The following KCNN2 variants were observed in gnomAD, a reference collection of about 807,000 sequenced individuals.
KCNN2 encodes the protein small conductance calcium-activated potassium channel protein 2.
KCNN2 carries 24 observed loss-of-function variants against 55.5 expected under a neutral mutation model. That is an observed-to-expected ratio of 0.43 (90% CI 0.31 to 0.61). The LOEUF (loss-of-function observed/expected upper bound fraction) is 0.61. Among genes scored for constraint, KCNN2 ranks in the 20% least tolerant of loss-of-function variants. The pLI is 0.08. For missense variants in KCNN2, 754 were observed against 853.6 expected, an observed-to-expected ratio of 0.88 and a Z score of 1.45; for synonymous variants, 431 against 336.1, an observed-to-expected ratio of 1.28 and a Z score of -3.09.
intron 1 of KCNN2, among the ~76,000 whole-genome samples, chr5:114,207,289 G>A (rs1436902511): frequency 6.6e-6 from 1 of 152,150 alleles, no homozygotes. Context: ...TAGGTTCCCA[G>A]TGCATTTTTG....
At chr5:114,456,112 T>G (rs1387206179) in intron 3 of KCNN2, among the ~76,000 whole-genome samples, 1 of 152,196 alleles carries the variant, frequency 6.6e-6, no homozygotes, top group African/African-American at 2.4e-5. Context: ...GAAAAATATG[T>G]CATCTAGGAA....
chr5:114,396,033 A>G lies in KCNN2; in HGVS notation c.1219-8405A>G, dbSNP rs554895804. The stretch of plus-strand genomic sequence containing the variant: ...ATATACTCAGATGTAAATGGCCAAA[A>G]TGAAACCTTTTATTTCTTACATTCC... On this transcript the variant is annotated intron_variant, in intron 2 of 7. Transcript: ENST00000673685. Among the ~76,000 whole-genome samples the G allele has an allele frequency of 1.2e-4, 19 of 152,296 alleles. No homozygotes were observed. In the South Asian group the frequency reaches 3.9e-3, roughly 32 times the overall value.
intron 1 of KCNN2, among the ~76,000 whole-genome samples, chr5:114,115,371 C>T (rs779868098): frequency 6.6e-6 from 1 of 152,062 alleles, no homozygotes; most frequent in Non-Finnish European, 1.5e-5. Context: ...TAGCATTGTG[C>T]AAGTTTTAAA....
intron 1 of KCNN2, among the ~76,000 whole-genome samples, chr5:114,162,575 G>A (rs1260512362): frequency 6.6e-6 from 1 of 152,182 alleles, no homozygotes. Context: ...GCTGCCTTTT[G>A]TTTGTCTGTG....
intron 5 of KCNN2, among the ~76,000 whole-genome samples, chr5:114,483,713 CTGTGTGTG>C (rs3070952): frequency 2.7e-5 from 4 of 148,334 alleles, no homozygotes; most frequent in Admixed American, 6.7e-5. Context: ...TATTTTTCAA[CTGTGTGTG>C]TGTGTGTGTG....
chr5:114,289,288 G>A (rs1043779854), intron 2 of KCNN2, among the ~76,000 whole-genome samples: 3 of 150,284 alleles, frequency 2.0e-5, no homozygotes, highest in Non-Finnish European at 4.4e-5. Context: ...CTCCAATTTT[G>A]TTCTTTTTCA....
chr5:114,282,366 T>C (rs1055313255), intron 2 of KCNN2, among the ~76,000 whole-genome samples: 3 of 152,126 alleles, frequency 2.0e-5, no homozygotes, highest in Non-Finnish European at 2.9e-5. Context: ...TTTGTAAATA[T>C]TGATTTTATA....
At chr5:114,373,257 T>C (rs1757819737) in intron 2 of KCNN2, among the ~76,000 whole-genome samples, 1 of 152,064 alleles carries the variant, frequency 6.6e-6, no homozygotes. Context: ...TACATGATCT[T>C]GGTTTTGAAG....
At chr5:114,474,005 G>A (rs1761864004) in intron 5 of KCNN2, among the ~76,000 whole-genome samples, 1 of 152,140 alleles carries the variant, frequency 6.6e-6, no homozygotes, top group African/African-American at 2.4e-5. Flanking sequence ...TTATAGTAGA[G>A]TCATCTTGCT....
At chr5:114,193,404 T>C (rs1753488442) in intron 1 of KCNN2, among the ~76,000 whole-genome samples, 1 of 152,158 alleles carries the variant, frequency 6.6e-6, no homozygotes, top group Non-Finnish European at 1.5e-5. Flanking sequence ...CAATCCTTAC[T>C]GTTTCCTCTT....
At chr5:114,407,901 A>G (rs1490461262) in intron 3 of KCNN2, among the ~76,000 whole-genome samples, 1 of 152,204 alleles carries the variant, frequency 6.6e-6, no homozygotes, top group African/African-American at 2.4e-5. Context: ...CTGTCTCCAG[A>G]TAATAGATTT....
chr5:114,137,183 C>T (rs1019429758), intron 1 of KCNN2, among the ~76,000 whole-genome samples: 2 of 152,142 alleles, frequency 1.3e-5, no homozygotes, highest in African/African-American at 4.8e-5. Context: ...TTGTTATGCA[C>T]AGGTCATGAA....
intron 2 of KCNN2, among the ~76,000 whole-genome samples, chr5:114,369,528 G>A (rs951690981): frequency 1.2e-4 from 19 of 152,178 alleles, no homozygotes; most frequent in Non-Finnish European, 2.2e-4. Flanking sequence ...TATAGCAACA[G>A]GTTGAAGGTA....
At chr5:114,162,598 A>G (rs1426104422) in intron 1 of KCNN2, among the ~76,000 whole-genome samples, 1 of 152,146 alleles carries the variant, frequency 6.6e-6, no homozygotes, top group Non-Finnish European at 1.5e-5. Flanking sequence ...CTGCCGCCAG[A>G]GTTGGACCCT....
At chr5:114,233,531 T>A (rs1346848064) in intron 2 of KCNN2, among the ~76,000 whole-genome samples, 1 of 152,220 alleles carries the variant, frequency 6.6e-6, no homozygotes, top group Admixed American at 6.5e-5. Flanking sequence ...GACTCTGTTT[T>A]ATAATATGGT....
At chr5:114,133,141 A>AT (rs1432181823) in intron 1 of KCNN2, among the ~76,000 whole-genome samples, 1 of 152,184 alleles carries the variant, frequency 6.6e-6, no homozygotes, top group East Asian at 1.9e-4. Flanking sequence ...TAATTAGGGC[A>AT]TTAGTTGGAG....
At chr5:114,463,878 G>A (rs1213160024) in intron 4 of KCNN2, among the ~76,000 whole-genome samples, 5 of 152,206 alleles carry the variant, frequency 3.3e-5, no homozygotes, top group Admixed American at 2.0e-4. Flanking sequence ...TCCATACCCA[G>A]GAAGGGAAGT....
chr5:114,437,450 G>A (rs1244152627), intron 3 of KCNN2, among the ~76,000 whole-genome samples: 1 of 152,108 alleles, frequency 6.6e-6, no homozygotes, highest in African/African-American at 2.4e-5. Flanking sequence ...AGGGGAAAAA[G>A]CTAATTTAGT....
chr5:114,343,654 A>T (rs1757056997), intron 2 of KCNN2, among the ~76,000 whole-genome samples: 1 of 151,988 alleles, frequency 6.6e-6, no homozygotes. Flanking sequence ...TTGGACAAAG[A>T]CTTGAATACC....
Sources: allele counts gnomAD v4.1 joint callset (sites outside exome capture counted in the v4.1 genomes callset), GRCh38; gene constraint gnomAD v4.1.1; transcripts MANE v1.5; gene names NCBI Gene and HGNC (gene_info 2026-07-23, HGNC 2026-07-21).